Variants in TRAK1 observed in about 807,000 individuals in gnomAD.
TRAK1 encodes the protein trafficking kinesin-binding protein 1.
Under a neutral mutation model 92.1 loss-of-function variants are expected in TRAK1, and 33 were observed. The ratio of observed to expected loss-of-function variants is 0.36; its 90% CI spans 0.27 to 0.48. The LOEUF (loss-of-function observed/expected upper bound fraction) is 0.48. Ranked by LOEUF, TRAK1 falls within the 20% of genes least tolerant of loss-of-function variation. TRAK1 has a pLI of 0.99. For missense variants in TRAK1, 1,123 were observed against 1,257.9 expected, an observed-to-expected ratio of 0.89 and a Z score of 1.62; for synonymous variants, 521 against 517.3, an observed-to-expected ratio of 1.01 and a Z score of -0.10.
At chr3:42,072,408 A>C (rs950585896) in intron 1 of TRAK1, among the ~76,000 whole-genome samples, 1 of 149,470 alleles carries the variant, frequency 6.7e-6, no homozygotes, top group African/African-American at 2.6e-5. Flanking sequence ...ACGAAGGAGG[A>C]GGCCAGCTGT....
intron 14 of TRAK1, chr3:42,211,302 G>A (rs1708999683): frequency 1.0e-6 from 1 of 985,044 alleles, no homozygotes; most frequent in African/African-American, 1.8e-5. Context: ...TTTTTTCCTT[G>A]ACATTAATTT....
intron 1 of TRAK1, among the ~76,000 whole-genome samples, chr3:42,120,220 G>A (rs368631856): frequency 1.3e-5 from 2 of 152,056 alleles, no homozygotes; most frequent in East Asian, 3.9e-4. Flanking sequence ...GGGGTTGGTG[G>A]GATTTTGGGC....
chr3:42,060,120 C>G (rs1335219774), intron 1 of TRAK1, among the ~76,000 whole-genome samples: 2 of 152,078 alleles, frequency 1.3e-5, no homozygotes, highest in Non-Finnish European at 2.9e-5. Context: ...AGAAGGTTTT[C>G]AAGAAATCCT....
intron 1 of TRAK1, among the ~76,000 whole-genome samples, chr3:42,034,888 A>G (rs1414810562): frequency 1.3e-5 from 2 of 150,984 alleles, no homozygotes; most frequent in Non-Finnish European, 2.9e-5. Flanking sequence ...TTAGTCCATT[A>G]GCCCCTCTCT....
chr3:42,123,000 T>C (rs946239564), intron 1 of TRAK1, among the ~76,000 whole-genome samples: 10 of 152,144 alleles, frequency 6.6e-5, no homozygotes, highest in African/African-American at 2.2e-4. Context: ...TTTAACCCTT[T>C]CCTTGACATT....
At chr3:42,105,127 T>A (rs959667877) in intron 1 of TRAK1, among the ~76,000 whole-genome samples, 1 of 151,888 alleles carries the variant, frequency 6.6e-6, no homozygotes, top group African/African-American at 2.4e-5. Context: ...AATTTTTTTG[T>A]ATTTTTATTA....
At chr3:42,059,377 T>C (rs1247081662) in intron 1 of TRAK1, among the ~76,000 whole-genome samples, 8 of 152,230 alleles carry the variant, frequency 5.3e-5, no homozygotes, top group Non-Finnish European at 2.9e-5. Flanking sequence ...ATCCCTGCTC[T>C]CCACTCCAGG....
At chr3:42,027,332 G>A (rs1313668271) in intron 1 of TRAK1, among the ~76,000 whole-genome samples, 1 of 152,080 alleles carries the variant, frequency 6.6e-6, no homozygotes, top group African/African-American at 2.4e-5. Context: ...GACCATCTTG[G>A]CTAACATAGT....
Position 42,209,871 on chromosome 3 carries a change from G to A in TRAK1, c.1849G>A (p.Val617Ile). 6.2e-7 allele frequency: 1 copy of A among 1,614,222 alleles called. No individual in the cohort carries two copies. The highest frequency in any genetic ancestry group is 1.3e-5 in the African/African-American group (1 of 75,060). Reference sequence around the variant, plus strand: ...CACCAAGGGCTTCCGGACGCTGGATGTTGACCTGGACGAAGTGTACTGCCT... The same window carrying A: ...CACCAAGGGCTTCCGGACGCTGGATATTGACCTGGACGAAGTGTACTGCCT... ...VVTKGFRTLD[V>I]DLDEVYCLND... Residue 617 changes from valine (V) to isoleucine (I), a missense_variant, in exon 14 of 16, where the codon GTT (valine) becomes ATT (isoleucine). Around this residue, in one of 3 missense-constraint regions of TRAK1, gnomAD observed 36 missense variants for 71.3 expected, o/e 0.50. Transcript: ENST00000327628.
At chr3:42,135,651 G>A (rs1439604423) in intron 2 of TRAK1, among the ~76,000 whole-genome samples, 1 of 152,212 alleles carries the variant, frequency 6.6e-6, no homozygotes, top group Non-Finnish European at 1.5e-5. Flanking sequence ...CTGTGTTTGT[G>A]TGGAATTGGA....
chr3:42,208,377 T>C (rs1708576124), intron 13 of TRAK1, among the ~76,000 whole-genome samples: 1 of 151,984 alleles, frequency 6.6e-6, no homozygotes, highest in South Asian at 2.1e-4. Context: ...CCTCCCTGGC[T>C]GAGATCGACA....
chr3:42,060,129 C>T (rs1403957362), intron 1 of TRAK1, among the ~76,000 whole-genome samples: 1 of 152,088 alleles, frequency 6.6e-6, no homozygotes, highest in Admixed American at 6.5e-5. Context: ...TCAAGAAATC[C>T]TGTTAGCAGT....
At position 42,127,187 on chromosome 3, in the gene TRAK1, T is replaced by C. The variant is rs767671705; in HGVS notation, c.286+1573T>C. Reference sequence around the variant, plus strand: ...TTGCTTTTTTCAGACTGTAGACGTCTGCAAAAAAATTCACAAGAGAATAGT... The same window carrying C: ...TTGCTTTTTTCAGACTGTAGACGTCCGCAAAAAAATTCACAAGAGAATAGT... On this transcript the variant is annotated intron_variant, in intron 2 of 15. Transcript: ENST00000327628. Among the ~76,000 whole-genome samples, 45 of 152,128 alleles carry C rather than the reference T, an allele frequency of 3.0e-4. 1 individual carries two copies. Among genetic ancestry groups the C allele is most frequent in the Admixed American group, 6.5e-5 (1 of 15,272 alleles).
chr3:42,075,958 T>G (rs571630627), intron 1 of TRAK1, among the ~76,000 whole-genome samples: 1 of 152,228 alleles, frequency 6.6e-6, no homozygotes, highest in South Asian at 2.1e-4. Flanking sequence ...TTCTCTTGCC[T>G]CAGCCTCCCG....
At chr3:42,159,992 G>A (rs1334191479) in intron 2 of TRAK1, among the ~76,000 whole-genome samples, 1 of 152,208 alleles carries the variant, frequency 6.6e-6, no homozygotes, top group Non-Finnish European at 1.5e-5. Flanking sequence ...TGCTGCTGGG[G>A]GAGGAAAGGT....
At chr3:42,017,136 G>C (rs794891) in intron 1 of TRAK1, among the ~76,000 whole-genome samples, 136,899 of 152,236 alleles carry the variant, frequency 0.9, 63,307 homozygotes, top group East Asian at 1. Context: ...CAGCATGCGT[G>C]TGTAATCCCA....
At chr3:42,084,106 C>G (rs73828529), upstream of TRAK1, among the ~76,000 whole-genome samples, 6,179 of 151,938 alleles carry the variant, frequency 0.041, 418 homozygotes, top group African/African-American at 0.14. Flanking sequence ...TAAGTCTTCA[C>G]CTCTAGAAAA....
intron 13 of TRAK1, chr3:42,203,180 A>T (rs1040360102): frequency 8.6e-7 from 1 of 1,161,582 alleles, no homozygotes; most frequent in Non-Finnish European, 1.1e-6. Context: ...AGAGGTTCCA[A>T]GCAAACTCTA....
chr3:42,086,211 C>G (rs1019598336), upstream of TRAK1, among the ~76,000 whole-genome samples: 1 of 152,120 alleles, frequency 6.6e-6, no homozygotes, highest in African/African-American at 2.4e-5. Flanking sequence ...GTTCAGCAGC[C>G]TATGTCACAT....
Sources: gnomAD v4.1 joint callset for allele counts (sites outside exome capture counted in the v4.1 genomes callset) on GRCh38, gnomAD v4.1.1 for gene constraint, gnomAD v4.1.1 regional missense constraint, MANE v1.5 for transcripts, NCBI Gene and HGNC (gene_info 2026-07-23, HGNC 2026-07-21) for gene names.